The following USP43 variants were observed in gnomAD, a reference collection of about 807,000 sequenced individuals.
USP43 encodes the protein ubiquitin carboxyl-terminal hydrolase 43.
A neutral mutation model predicts 90.7 loss-of-function variants in USP43; 33 were observed. The ratio of observed to expected loss-of-function variants is 0.36; its 90% CI spans 0.28 to 0.49. The LOEUF (loss-of-function observed/expected upper bound fraction) is 0.49, where lower values mean the gene tolerates loss of function less well. Among genes scored for constraint, USP43 ranks in the 20% least tolerant of loss-of-function variants. The pLI is 0.98. For synonymous variants in USP43, 598 were observed against 615.8 expected (o/e 0.97, Z 0.43); for missense variants, 1,274 against 1,476.4 (o/e 0.86, Z 2.25).
chr17:9,664,383 C>T (rs1277384434), intron 2 of USP43, among the ~76,000 whole-genome samples: 1 of 152,124 alleles, frequency 6.6e-6, no homozygotes, highest in Non-Finnish European at 1.5e-5. Context: ...GTTCCTTTTG[C>T]CTGGTTCTGT....
At chr17:9,670,693 T>C (rs1489475551) in intron 3 of USP43, among the ~76,000 whole-genome samples, 4 of 152,016 alleles carry the variant, frequency 2.6e-5, no homozygotes, top group African/African-American at 9.7e-5. Context: ...TGACTTGGCG[T>C]GGGATGAATC....
At chr17:9,648,938 C>CCTCTCTTTCT (rs1458953870) in intron 1 of USP43, among the ~76,000 whole-genome samples, 6 of 129,816 alleles carry the variant, frequency 4.6e-5, no homozygotes, top group African/African-American at 1.9e-4. Flanking sequence ...TGTCTCTCTC[C>CCTCTCTTTCT]CTCTCTCTCT....
intron 12 of USP43, among the ~76,000 whole-genome samples, chr17:9,705,493 G>A (rs551357756): frequency 4.2e-4 from 64 of 152,104 alleles, no homozygotes; most frequent in African/African-American, 1.3e-3. Flanking sequence ...GGTGGCTCAC[G>A]CCTGTAATCC....
intron 7 of USP43, among the ~76,000 whole-genome samples, chr17:9,683,814 A>C (rs2151978015): frequency 6.6e-6 from 1 of 152,188 alleles, no homozygotes; most frequent in Non-Finnish European, 1.5e-5. Context: ...TCAACTTTTT[A>C]CTCCTGCTAT....
rs1270540341 is a variant in USP43, at chr17:9,674,772, G to A, written c.741-119G>A. ...GAACACCTGTTCTCAATTCTTCTGG[G>A]TATGTACCTACGAGTGGAATCACAG... On this transcript the variant is annotated intron_variant, in intron 3 of 14. Coordinates refer to ENST00000285199, the MANE Select transcript of USP43 (RefSeq NM_153210.5). The surrounding 1 kb of genome is among the most constrained non-coding windows in gnomAD (Gnocchi z 4.4). 81 of 810,870 alleles carry A rather than the reference G, an allele frequency of 1.0e-4. No homozygotes were observed. Among genetic ancestry groups the A allele is most frequent in the Non-Finnish European group, 8.5e-6 (4 of 469,330 alleles). The allele number at this position is 810,870 out of a possible 1,614,324, so 50.2% of individuals were successfully genotyped here.
rs1911307861 is a variant in USP43, at chr17:9,645,554, G to A, written c.-79G>A. ...CAGGTAGCCGGCACCAGGAGCCTTA[G>A]AGAAGCTGTAGGGCCTGCTGGCCGC... On this transcript the variant is annotated 5_prime_UTR_variant, in exon 1 of 15. Coordinates refer to ENST00000285199, the MANE Select transcript of USP43 (RefSeq NM_153210.5). This position sits in a 1 kb window ranked among gnomAD's most constrained non-coding sequence, Gnocchi z 6.8. 2 of 1,148,148 alleles carry A rather than the reference G, an allele frequency of 1.7e-6. No individual in the cohort carries two copies. The highest frequency in any genetic ancestry group is 4.7e-5 in the Admixed American group (1 of 21,286). The allele number at this position is 1,148,148 out of a possible 1,614,324, so 71.1% of individuals were successfully genotyped here.
intron 14 of USP43, among the ~76,000 whole-genome samples, chr17:9,715,925 CTGTG>C (rs371854425): frequency 2.1e-5 from 3 of 144,976 alleles, no homozygotes; most frequent in African/African-American, 5.2e-5. Context: ...GTATATGTGT[CTGTG>C]TGTGTGTTTC....
intron 10 of USP43, among the ~76,000 whole-genome samples, chr17:9,700,570 A>T (rs1021867763): frequency 1.3e-5 from 2 of 152,022 alleles, no homozygotes; most frequent in Non-Finnish European, 2.9e-5. Context: ...TGTATAGGGG[A>T]TTTATTTAAT....
At chr17:9,665,374 G>T (rs1597825767) in intron 2 of USP43, among the ~76,000 whole-genome samples, 2 of 152,126 alleles carry the variant, frequency 1.3e-5, no homozygotes, top group East Asian at 3.9e-4. Flanking sequence ...ACATGACTGG[G>T]GAGGCCTCAG....
intron 9 of USP43, among the ~76,000 whole-genome samples, chr17:9,696,896 C>T (rs1046946045): frequency 3.9e-5 from 6 of 152,212 alleles, no homozygotes; most frequent in Non-Finnish European, 5.9e-5. Flanking sequence ...CCCTCTGGTT[C>T]CCCTGGCTGA....
intron 2 of USP43, among the ~76,000 whole-genome samples, chr17:9,660,045 C>G (rs936115464): frequency 6.6e-6 from 1 of 152,178 alleles, no homozygotes; most frequent in Non-Finnish European, 1.5e-5. Flanking sequence ...ATTCCCCTAA[C>G]CCAGTTGAGA....
chr17:9,653,279 G>A (rs1015776331), intron 1 of USP43, among the ~76,000 whole-genome samples: 1 of 152,180 alleles, frequency 6.6e-6, no homozygotes, highest in Non-Finnish European at 1.5e-5. Context: ...GATTTCACAT[G>A]GAAGGAAGAA....
chr17:9,676,697 C>T (rs779050623), intron 4 of USP43, 49 bp from the exon 5 acceptor site: 71 of 1,575,132 alleles, frequency 4.5e-5, no homozygotes, highest in Middle Eastern at 3.4e-4. Context: ...CAATGTCATT[C>T]ACAGTTCATG....
intron 5 of USP43, among the ~76,000 whole-genome samples, chr17:9,679,379 A>G (rs555418250): frequency 6.6e-6 from 1 of 150,924 alleles, no homozygotes; most frequent in South Asian, 2.1e-4. Flanking sequence ...TTTTTTAAAA[A>G]AATTGTGTAG....
chr17:9,726,268 G>T (rs905260423), intron 14 of USP43, among the ~76,000 whole-genome samples: 2 of 152,042 alleles, frequency 1.3e-5, no homozygotes, highest in East Asian at 3.9e-4. Flanking sequence ...GCTCTCACCC[G>T]TGCACCTGAC....
At chr17:9,662,771 A>T (rs975374585) in intron 2 of USP43, among the ~76,000 whole-genome samples, 5 of 150,104 alleles carry the variant, frequency 3.3e-5, no homozygotes, top group African/African-American at 1.2e-4. Flanking sequence ...TGCCACCTAC[A>T]CTGTGCTTTG....
intron 12 of USP43, among the ~76,000 whole-genome samples, chr17:9,705,963 T>TA (rs1461735418): frequency 6.6e-6 from 1 of 152,168 alleles, no homozygotes; most frequent in African/African-American, 2.4e-5. Context: ...TGCACTCTGT[T>TA]AAGAGCAAGA....
intron 14 of USP43, among the ~76,000 whole-genome samples, chr17:9,717,858 G>T (rs1200085466): frequency 6.6e-6 from 1 of 151,294 alleles, no homozygotes; most frequent in African/African-American, 2.4e-5. Flanking sequence ...GTGCAATGGG[G>T]CGATCTCAGC....
chr17:9,700,870 T>C (rs1915524468), intron 10 of USP43, among the ~76,000 whole-genome samples: 2 of 152,194 alleles, frequency 1.3e-5, no homozygotes, highest in Non-Finnish European at 2.9e-5. Flanking sequence ...GGCCCTGTGC[T>C]AGGATGAGGA....
Sources: gnomAD v4.1 joint callset for allele counts (sites outside exome capture counted in the v4.1 genomes callset) on GRCh38, gnomAD v4.1.1 for gene constraint, Gnocchi (gnomAD v3.1) non-coding constraint, MANE v1.5 for transcripts, NCBI Gene and HGNC (gene_info 2026-07-23, HGNC 2026-07-21) for gene names.